TMEM132B: variants seen among roughly 807,000 people sequenced by gnomAD.
TMEM132B encodes transmembrane protein 132B.
A neutral mutation model predicts 90.8 loss-of-function variants in TMEM132B; 18 were observed. The observed-to-expected ratio is 0.20, with a 90% CI of 0.14 to 0.29. The LOEUF (loss-of-function observed/expected upper bound fraction) is 0.29, where lower values mean the gene tolerates loss of function less well. Among genes scored for constraint, TMEM132B ranks in the 10% least tolerant of loss-of-function variants. The probability of loss-of-function intolerance (pLI) is 1.00; values close to 1 mark genes in which losing one functional copy is unlikely to be tolerated. For synonymous variants in TMEM132B, 504 were observed against 523.3 expected, an observed-to-expected ratio of 0.96 and a Z score of 0.50; for missense variants, 1,096 against 1,326.8, an observed-to-expected ratio of 0.83 and a Z score of 2.70.
chr12:125,313,529 C>T (rs1413487664), intron 1 of TMEM132B, among the ~76,000 whole-genome samples: 2 of 113,998 alleles, frequency 1.8e-5, no homozygotes, highest in Non-Finnish European at 3.7e-5. Context: ...ATTTCCCACC[C>T]CCTCCCATTT....
At chr12:125,330,752 T>C (rs1437780464) in intron 1 of TMEM132B, among the ~76,000 whole-genome samples, 1 of 152,214 alleles carries the variant, frequency 6.6e-6, no homozygotes, top group African/African-American at 2.4e-5. Context: ...CTGGGCACAG[T>C]GGCTCATGCC....
At chr12:125,482,357 T>A (rs1351377682) in intron 3 of TMEM132B, among the ~76,000 whole-genome samples, 1 of 152,230 alleles carries the variant, frequency 6.6e-6, no homozygotes, top group Non-Finnish European at 1.5e-5. Flanking sequence ...TCTACCCATC[T>A]GACAAAGGGC....
chr12:125,547,014 A>G (rs1425150028), intron 4 of TMEM132B, among the ~76,000 whole-genome samples: 1 of 152,210 alleles, frequency 6.6e-6, no homozygotes. Context: ...TTATGAAACC[A>G]TCAGATCTCG....
At chr12:125,352,884 A>T (rs1291822942) in intron 2 of TMEM132B, among the ~76,000 whole-genome samples, 1 of 152,176 alleles carries the variant, frequency 6.6e-6, no homozygotes, top group Non-Finnish European at 1.5e-5. Context: ...AGAAGCCAAG[A>T]TTCTATTTGG....
At chr12:125,608,836 T>G (rs1330989171) in intron 5 of TMEM132B, among the ~76,000 whole-genome samples, 1 of 146,486 alleles carries the variant, frequency 6.8e-6, no homozygotes, top group East Asian at 2.0e-4. Context: ...TTTCTCCCAT[T>G]GCATTGCTGT....
At chr12:125,584,925 A>G (rs981738858) in intron 5 of TMEM132B, 11 of 152,236 alleles carry the variant, frequency 7.2e-5, no homozygotes, top group African/African-American at 2.7e-4. Context: ...TTAGAAAAAT[A>G]CAATAACTCA....
rs1317549570 is a variant in TMEM132B, at chr12:125,253,434, C to CT, written c.67+66586dup. ...CATTTTCTTTTTTCTTTCCCCCCCA[C>CT]TTTTTTTTTTTTTTTTTTGAGACAG... On this transcript the variant is annotated intron_variant, in intron 1 of 8. Coordinates refer to ENST00000682704, the MANE Select transcript of TMEM132B (RefSeq NM_001366854.1). 9.0e-3 allele frequency among the ~76,000 whole-genome samples: 1,257 copies of CT among 139,012 alleles called. 15 individuals are homozygous for CT. The highest frequency in any genetic ancestry group is 0.019 in the African/African-American group (712 of 37,476). 91.2% of individuals were successfully genotyped at this position (139,012 alleles called of 152,430 possible). A position where few individuals can be genotyped will look rare whatever the true frequency, so the allele number is the denominator to read the frequency against.
At chr12:125,419,064 G>A (rs950590649) in intron 3 of TMEM132B, among the ~76,000 whole-genome samples, 4 of 152,064 alleles carry the variant, frequency 2.6e-5, no homozygotes, top group South Asian at 2.1e-4. Context: ...AAAATAAACC[G>A]CAACTTTTTA....
At chr12:125,489,784 C>A (rs999246321) in intron 3 of TMEM132B, among the ~76,000 whole-genome samples, 1 of 152,152 alleles carries the variant, frequency 6.6e-6, no homozygotes, top group Admixed American at 6.5e-5. Flanking sequence ...TGTAATATCA[C>A]ATTAAATATT....
intron 2 of TMEM132B, among the ~76,000 whole-genome samples, chr12:125,412,881 G>A (rs895174771): frequency 1.3e-5 from 2 of 152,084 alleles, no homozygotes; most frequent in African/African-American, 4.8e-5. Flanking sequence ...AAGAAAGAAA[G>A]CTTTGTGAAA....
At chr12:125,255,418 T>C (rs1874417430) in intron 1 of TMEM132B, among the ~76,000 whole-genome samples, 1 of 152,198 alleles carries the variant, frequency 6.6e-6, no homozygotes, top group African/African-American at 2.4e-5. Flanking sequence ...TAGGCAATTA[T>C]CAGTTCTGTC....
At chr12:125,214,585 C>T (rs1873392928) in intron 1 of TMEM132B, among the ~76,000 whole-genome samples, 1 of 152,190 alleles carries the variant, frequency 6.6e-6, no homozygotes, top group African/African-American at 2.4e-5. Flanking sequence ...AGAGAGTGGA[C>T]AGGAGGCCTC....
chr12:125,337,326 C>T (rs117020072), intron 1 of TMEM132B, among the ~76,000 whole-genome samples: 67 of 152,274 alleles, frequency 4.4e-4, no homozygotes, highest in Non-Finnish European at 7.5e-4. Flanking sequence ...AAGATTGCTT[C>T]CTGCTCACAT....
intron 1 of TMEM132B, among the ~76,000 whole-genome samples, chr12:125,319,661 A>C (rs1382858064): frequency 6.6e-6 from 1 of 152,146 alleles, no homozygotes; most frequent in Non-Finnish European, 1.5e-5. Flanking sequence ...ACTGGGGTGC[A>C]GTTACCAGGA....
intron 1 of TMEM132B, among the ~76,000 whole-genome samples, chr12:125,307,375 G>A (rs1341442357): frequency 1.3e-5 from 2 of 152,130 alleles, no homozygotes; most frequent in African/African-American, 2.4e-5. Context: ...ATGTGTTTCA[G>A]TCTGTATGGT....
At chr12:125,281,910 C>T (rs1357792467) in intron 1 of TMEM132B, among the ~76,000 whole-genome samples, 3 of 151,558 alleles carry the variant, frequency 2.0e-5, no homozygotes, top group Admixed American at 2.0e-4. Context: ...CGCCTGTAGT[C>T]CCAGCTACTC....
intron 3 of TMEM132B, among the ~76,000 whole-genome samples, chr12:125,447,197 G>A (rs947862221): frequency 3.9e-5 from 6 of 151,962 alleles, no homozygotes; most frequent in African/African-American, 1.4e-4. Context: ...TACACTTAAT[G>A]TGAAGACTAA....
At chr12:125,353,992 C>G (rs1002939969) in intron 2 of TMEM132B, among the ~76,000 whole-genome samples, 1 of 152,156 alleles carries the variant, frequency 6.6e-6, no homozygotes, top group African/African-American at 2.4e-5. Flanking sequence ...GAACTGTCAG[C>G]CTCCTGGAAA....
At chr12:125,326,811 C>T (rs1361299071) in intron 1 of TMEM132B, 1 of 836,304 alleles carries the variant, frequency 1.2e-6, no homozygotes, top group East Asian at 2.7e-5. Flanking sequence ...TCCGTGCACC[C>T]CTTCCTCTTG....
Sources: gnomAD v4.1 joint callset for allele counts (sites outside exome capture counted in the v4.1 genomes callset) on GRCh38, gnomAD v4.1.1 for gene constraint, MANE v1.5 for transcripts, NCBI Gene and HGNC (gene_info 2026-07-23, HGNC 2026-07-21) for gene names.